Variants in PIGN observed in about 807,000 individuals in gnomAD.
The protein encoded by PIGN is phosphatidylinositol glycan anchor biosynthesis class N.
A neutral mutation model predicts 125.4 loss-of-function variants in PIGN; 117 were observed. That is an observed-to-expected ratio of 0.93 (90% CI 0.80 to 1.09). The LOEUF (loss-of-function observed/expected upper bound fraction) is 1.09, where lower values mean the gene tolerates loss of function less well. PIGN is among the 50% of genes least tolerant of loss of function. The pLI is 0.00. For missense variants in PIGN, 1,075 were observed against 1,094.9 expected (o/e 0.98, Z 0.26); for synonymous variants, 392 against 377.8 (o/e 1.04, Z -0.44).
chr18:62,029,825 G>T (rs2030169863), intron 23 of PIGN, among the ~76,000 whole-genome samples: 1 of 152,132 alleles, frequency 6.6e-6, no homozygotes, highest in Non-Finnish European at 1.5e-5. Flanking sequence ...CATTGCATTG[G>T]GTCAAACTCA....
At chr18:62,106,726 G>A in intron 19 of PIGN, 63 bp downstream of exon 19, 1 of 1,026,768 alleles carries the variant, frequency 9.7e-7, no homozygotes, top group Non-Finnish European at 1.5e-6. Context: ...AGTTCCTTGA[G>A]TTACACATGT....
intron 30 of PIGN, among the ~76,000 whole-genome samples, chr18:62,048,191 G>A (rs962555436): frequency 4.6e-5 from 7 of 152,100 alleles, no homozygotes; most frequent in Non-Finnish European, 7.3e-5. Flanking sequence ...AAAATGAACA[G>A]AGTCTCAGGG....
rs184218143 is a variant in PIGN, at chr18:62,163,282, A to G, written c.-110+249T>C. On this transcript the variant is annotated intron_variant, in intron 2 of 30. Coordinates refer to ENST00000640252, the MANE Select transcript of PIGN (RefSeq NM_176787.5). The stretch of plus-strand genomic sequence containing the variant: ...CAGAGGTCCCAACGAAAAAAGGACT[A>G]CGGTACACCTAATAATAAACCTGAC... Among the ~76,000 whole-genome samples, 240 of 152,270 alleles carry G rather than the reference A, an allele frequency of 1.6e-3. 1 individual carries two copies. The highest frequency in any genetic ancestry group is 5.4e-3 in the African/African-American group (224 of 41,566).
At chr18:62,050,185 T>C (rs2031152514) in intron 30 of PIGN, among the ~76,000 whole-genome samples, 1 of 152,216 alleles carries the variant, frequency 6.6e-6, no homozygotes, top group Non-Finnish European at 1.5e-5. Context: ...CGATGCGGGC[T>C]CCTTTTTGGT....
At chr18:62,062,005 C>T (rs1383298313) in intron 30 of PIGN, among the ~76,000 whole-genome samples, 1 of 152,158 alleles carries the variant, frequency 6.6e-6, no homozygotes, top group Non-Finnish European at 1.5e-5. Flanking sequence ...GCCCATTAGA[C>T]CAGCACCACA....
At chr18:62,149,158 T>G (rs894403675) in intron 7 of PIGN, among the ~76,000 whole-genome samples, 3 of 152,182 alleles carry the variant, frequency 2.0e-5, no homozygotes, top group Non-Finnish European at 4.4e-5. Flanking sequence ...TATGTTTAAC[T>G]TTTCAACAAA....
chr18:62,142,553 G>A (rs185247184), intron 11 of PIGN, among the ~76,000 whole-genome samples: 2 of 152,146 alleles, frequency 1.3e-5, no homozygotes. Context: ...TATTTTGCTG[G>A]GAAGAAACAA....
rs1257056626 is a variant in PIGN at position 62,145,987 on chromosome 18, G to C, written c.844C>G (p.Pro282Ala). The change falls in exon 10 of 31, where the codon CCT becomes GCT. Residue 282 changes from proline to alanine, a missense_variant. Physicochemically the swap from Pro to Ala is conservative, Grantham distance 27 (BLOSUM62 -1). Transcript: ENST00000640252. ...GAGHPSETLTPLVTWGAGIKY... is the reference protein window; with the variant it reads ...GAGHPSETLTALVTWGAGIKY... ...ATTCCAGCTCCCCAAGTGACTAAAGGAGTTAAAGTCTCTGAAGGATGACCA... is the reference window on the plus strand; with the variant it reads ...ATTCCAGCTCCCCAAGTGACTAAAGCAGTTAAAGTCTCTGAAGGATGACCA... 6.2e-7 allele frequency: 1 copy of C among 1,606,088 alleles called. No individual in the cohort carries two copies.
At chr18:62,109,582 T>G (rs959665047) in intron 17 of PIGN, among the ~76,000 whole-genome samples, 1 of 152,058 alleles carries the variant, frequency 6.6e-6, no homozygotes, top group African/African-American at 2.4e-5. Context: ...CTATAAAAGA[T>G]ACACAAAGAA....
chr18:62,129,250 T>C (rs1218828737), intron 14 of PIGN, among the ~76,000 whole-genome samples: 2 of 152,300 alleles, frequency 1.3e-5, no homozygotes, highest in East Asian at 1.9e-4. Flanking sequence ...TGGGAGTCTT[T>C]CCCTCTCTCA....
At position 62,165,838 on chromosome 18, in the gene PIGN, A is replaced by AC. The variant is rs978214712; in HGVS notation, c.-235-2183dup. Among the ~76,000 whole-genome samples the AC allele has an allele frequency of 4.6e-5, 7 of 152,208 alleles. No individual in the cohort carries two copies. In the East Asian group the frequency reaches 1.3e-3, roughly 29 times the overall value. On this transcript the variant is annotated intron_variant, in intron 1 of 30. Coordinates refer to ENST00000640252, the MANE Select transcript of PIGN (RefSeq NM_176787.5). ...ATCTAGGAGCTTGGAGTTCTTGTTA[A>AC]CTTTATTGAGAAGTTTAAACAGTCG...
intron 30 of PIGN, among the ~76,000 whole-genome samples, chr18:62,046,251 G>A (rs922104052): frequency 1.4e-4 from 22 of 152,134 alleles, no homozygotes; most frequent in Admixed American, 5.9e-4. Context: ...AAATGGTGCC[G>A]TATTTGCATA....
chr18:62,154,672 AAAT>A (rs1351572373), intron 6 of PIGN, 21 bp from the exon 7 acceptor site: 3 of 1,085,086 alleles, frequency 2.8e-6, no homozygotes. Context: ...AATTTGGAAA[AAAT>A]AATCTTTTTA....
chr18:62,126,531 G>A (rs2035542209), intron 14 of PIGN, among the ~76,000 whole-genome samples: 1 of 152,100 alleles, frequency 6.6e-6, no homozygotes, highest in Non-Finnish European at 1.5e-5. Flanking sequence ...ACTTTTTAAA[G>A]TCTCTGCATC....
intron 30 of PIGN, chr18:62,052,087 T>C (rs1412766276): frequency 6.6e-6 from 1 of 152,232 alleles, no homozygotes; most frequent in Non-Finnish European, 1.5e-5. Flanking sequence ...TAATTTCTGT[T>C]CTTTTACATT....
At chr18:62,037,671 G>A (rs980536120), downstream of PIGN, among the ~76,000 whole-genome samples, 14 of 152,200 alleles carry the variant, frequency 9.2e-5, no homozygotes, top group African/African-American at 3.1e-4. Context: ...GTGGAGGCAC[G>A]GTGAGCTGGA....
In PIGN at chr18:62,140,454, G is replaced by C; in HGVS notation, c.989C>G (p.Ser330Cys). The change falls in exon 12 of 31, where the codon TCC becomes TGC. Residue 330 changes from serine (S) to cysteine (C), a missense_variant. Physicochemically the swap from Ser to Cys is moderately radical, Grantham distance 112. Coordinates refer to ENST00000640252, the MANE Select transcript of PIGN (RefSeq NM_176787.5). Reference sequence around the variant, plus strand: ...AAGAGGAAAGGGAACTCCAATAAGGGAAGTCATCAATGGTGCAATATCAGC... The same window carrying C: ...AAGAGGAAAGGGAACTCCAATAAGGCAAGTCATCAATGGTGCAATATCAGC... Reference protein sequence around the residue: ...NQADIAPLMTSLIGVPFPLNS... With the variant: ...NQADIAPLMTCLIGVPFPLNS... The C allele has an allele frequency of 6.4e-7, 1 of 1,556,772 alleles. No homozygotes were observed. The highest frequency in any genetic ancestry group is 1.4e-5 in the African/African-American group (1 of 73,862).
At chr18:62,050,842 A>G (rs926664117) in intron 30 of PIGN, among the ~76,000 whole-genome samples, 2 of 151,354 alleles carry the variant, frequency 1.3e-5, no homozygotes, top group Non-Finnish European at 3.0e-5. Flanking sequence ...TGGGTTTGTC[A>G]TAGATAGCTC....
intron 14 of PIGN, among the ~76,000 whole-genome samples, chr18:62,133,106 T>C (rs2035800810): frequency 6.6e-6 from 1 of 152,220 alleles, no homozygotes; most frequent in Non-Finnish European, 1.5e-5. Context: ...AATACTTTAT[T>C]ATACAGTCGG....
Sources: gnomAD v4.1 joint callset for allele counts (sites outside exome capture counted in the v4.1 genomes callset) on GRCh38, gnomAD v4.1.1 for gene constraint, MANE v1.5 for transcripts, NCBI Gene and HGNC (gene_info 2026-07-23, HGNC 2026-07-21) for gene names.